Variants in PARD3 observed in about 807,000 individuals in gnomAD.
PARD3 encodes par-3 family cell polarity regulator.
A neutral mutation model predicts 155.4 loss-of-function variants in PARD3; 75 were observed. The observed-to-expected ratio is 0.48, with a 90% confidence interval of 0.40 to 0.58. The LOEUF is 0.58. Ranked by LOEUF, PARD3 falls within the 20% of genes least tolerant of loss-of-function variation. PARD3 has a pLI of 0.00. For synonymous variants in PARD3, 576 were observed against 610.5 expected (o/e 0.94, Z 0.83); for missense variants, 1,642 against 1,721.7 (o/e 0.95, Z 0.82).
intron 22 of PARD3, among the ~76,000 whole-genome samples, chr10:34,201,066 C>A (rs1294625915): frequency 1.3e-5 from 2 of 152,150 alleles, no homozygotes; most frequent in East Asian, 3.9e-4. Flanking sequence ...TACAGGGAGG[C>A]CTCTTGGAAT....
At position 34,517,043 on chromosome 10, in the gene PARD3, G is replaced by A. The variant is rs41276096; in HGVS notation, c.339C>T (p.Val113=). 6.2e-7 allele frequency: 1 copy of A among 1,614,224 alleles called. No individual in the cohort carries two copies. The highest frequency in any genetic ancestry group is 1.7e-5 in the Admixed American group (1 of 60,034). ...TTGCTTGGTAAGGCTGAAAGGCTGA[G>A]ACATTGTTGGTGCCAAGCTCACTAC... The part of the protein sequence containing the change: ...IFGSELGTNN[V]SAFQPYQATS... The change falls in exon 3 of 25, where the codon GTC becomes GTT. Residue 113 remains valine (V), a synonymous_variant. Coordinates refer to ENST00000374788, the MANE Select transcript of PARD3 (RefSeq NM_001184785.2).
chr10:34,536,147 T>G (rs927346220), intron 2 of PARD3, among the ~76,000 whole-genome samples: 1 of 152,194 alleles, frequency 6.6e-6, no homozygotes, highest in African/African-American at 2.4e-5. Context: ...CACCTTGACC[T>G]CTACTCAACA....
chr10:34,680,699 T>C (rs528884702), intron 2 of PARD3, among the ~76,000 whole-genome samples: 4 of 151,560 alleles, frequency 2.6e-5, no homozygotes, highest in South Asian at 4.2e-4. Context: ...ACATAACCAA[T>C]TGGAAATCAT....
At chr10:34,217,212 T>G (rs1564490580) in intron 22 of PARD3, among the ~76,000 whole-genome samples, 1 of 151,956 alleles carries the variant, frequency 6.6e-6, no homozygotes, top group East Asian at 1.9e-4. Context: ...TGTCCCTGGG[T>G]GCTCTCACTT....
intron 11 of PARD3, among the ~76,000 whole-genome samples, chr10:34,373,743 T>A (rs1161051430): frequency 1.3e-5 from 2 of 152,116 alleles, no homozygotes; most frequent in Non-Finnish European, 2.9e-5. Flanking sequence ...TTCAACCCTA[T>A]CACTGTCTGA....
intron 1 of PARD3, among the ~76,000 whole-genome samples, chr10:34,789,524 C>A (rs571788396): frequency 6.6e-6 from 1 of 151,874 alleles, no homozygotes; most frequent in South Asian, 2.1e-4. Flanking sequence ...ATGCTGAGAC[C>A]CTGTCTCTAC....
intron 22 of PARD3, among the ~76,000 whole-genome samples, chr10:34,179,168 G>A (rs2582851): frequency 0.3 from 28,320 of 94,702 alleles, 3,548 homozygotes; most frequent in Non-Finnish European, 0.35. Context: ...GTGCGTGCGC[G>A]CACACACACA....
At chr10:34,647,645 C>G (rs1342651522) in intron 2 of PARD3, among the ~76,000 whole-genome samples, 1 of 152,208 alleles carries the variant, frequency 6.6e-6, no homozygotes, top group Non-Finnish European at 1.5e-5. Context: ...CCACACTTAA[C>G]GTGTAGCTCT....
At chr10:34,586,881 A>G (rs910990188) in intron 2 of PARD3, among the ~76,000 whole-genome samples, 2 of 151,974 alleles carry the variant, frequency 1.3e-5, no homozygotes, top group African/African-American at 4.8e-5. Flanking sequence ...CCCAGGAGGC[A>G]GAGGTTGCGG....
chr10:34,801,011 G>GA (rs1306014671), intron 1 of PARD3, among the ~76,000 whole-genome samples: 1 of 152,124 alleles, frequency 6.6e-6, no homozygotes, highest in African/African-American at 2.4e-5. Flanking sequence ...AACACTCTAA[G>GA]ATCTGTCAAA....
At chr10:34,440,908 T>C (rs913552615) in intron 5 of PARD3, among the ~76,000 whole-genome samples, 3 of 151,674 alleles carry the variant, frequency 2.0e-5, no homozygotes, top group Non-Finnish European at 4.4e-5. Context: ...ACATTTAATC[T>C]TATTAAAACT....
chr10:34,418,955 G>A (rs1416793687), intron 5 of PARD3, among the ~76,000 whole-genome samples: 2 of 151,968 alleles, frequency 1.3e-5, no homozygotes, highest in East Asian at 1.9e-4. Context: ...ATTTTCTGCA[G>A]GGAAAAGGTC....
At chr10:34,519,885 A>ATAACATAAC (rs1564804158) in intron 2 of PARD3, among the ~76,000 whole-genome samples, 30 of 106,710 alleles carry the variant, frequency 2.8e-4, no homozygotes, top group African/African-American at 5.8e-4. Flanking sequence ...CATAACATAA[A>ATAACATAAC]AATAGAAAAT....
Position 34,463,122 on chromosome 10 carries a change from G to T in PARD3, c.582+6963C>A, listed in dbSNP as rs188854307. 4.2e-4 allele frequency among the ~76,000 whole-genome samples: 54 copies of T among 129,944 alleles called. No individual in the cohort carries two copies. The East Asian group carries it at 4.2e-3, about 10-fold the overall frequency. The allele number at this position is 129,944 out of a possible 152,430, so 85.2% of individuals were successfully genotyped here. ...AATGGGAAAGTGAAGGGGAAGAAAA[G>T]GAAAGGAAAAGGGAAAGAGAAGGGG... is the stretch of plus-strand genomic sequence containing the variant. On this transcript the variant is annotated intron_variant, in intron 4 of 24. Coordinates refer to ENST00000374788, the MANE Select transcript of PARD3 (RefSeq NM_001184785.2).
intron 22 of PARD3, among the ~76,000 whole-genome samples, chr10:34,263,368 C>A (rs565430933): frequency 6.6e-6 from 1 of 152,120 alleles, no homozygotes; most frequent in Admixed American, 6.5e-5. Context: ...GGCAGAAGAG[C>A]CCAGGAAGAA....
chr10:34,337,448 A>T, intron 16 of PARD3, 22 bp from the exon 17 acceptor site: 1 of 1,509,044 alleles, frequency 6.6e-7, no homozygotes. Context: ...AAAAAATAAA[A>T]ATAAAAATAT....
At chr10:34,533,090 G>T (rs2082969595) in intron 2 of PARD3, among the ~76,000 whole-genome samples, 2 of 152,144 alleles carry the variant, frequency 1.3e-5, no homozygotes, top group Admixed American at 1.3e-4. Flanking sequence ...CAAAGAAAAA[G>T]TACAATAAGA....
chr10:34,780,732 G>A (rs1840143844), intron 1 of PARD3, among the ~76,000 whole-genome samples: 2 of 152,206 alleles, frequency 1.3e-5, no homozygotes, highest in Non-Finnish European at 2.9e-5. Flanking sequence ...CATAAAAGGA[G>A]GGGAAGCTGC....
intron 22 of PARD3, among the ~76,000 whole-genome samples, chr10:34,148,155 G>C (rs540434091): frequency 6.6e-6 from 1 of 152,172 alleles, no homozygotes; most frequent in Non-Finnish European, 1.5e-5. Context: ...CACAGGCATA[G>C]ATTTAGATAT....
Sources: allele counts gnomAD v4.1 joint callset (sites outside exome capture counted in the v4.1 genomes callset), GRCh38; gene constraint gnomAD v4.1.1; transcripts MANE v1.5; gene names NCBI Gene and HGNC (gene_info 2026-07-23, HGNC 2026-07-21).